Variants in NRG3 observed in about 807,000 individuals in gnomAD.
NRG3 encodes the protein neuregulin 3.
NRG3 carries 31 observed loss-of-function variants against 66.9 expected under a neutral mutation model. That is an observed-to-expected ratio of 0.46 (90% CI 0.35 to 0.63). The LOEUF (loss-of-function observed/expected upper bound fraction) is 0.63, where lower values mean the gene tolerates loss of function less well. Among genes scored for constraint, NRG3 ranks in the 20% least tolerant of loss-of-function variants. The probability of loss-of-function intolerance (pLI) is 0.00; values close to 1 mark genes in which losing one functional copy is unlikely to be tolerated. For synonymous variants in NRG3, 393 were observed against 359.4 expected (o/e 1.09, Z -1.06); for missense variants, 910 against 878.9 (o/e 1.04, Z -0.45).
In NRG3 at chr10:82,363,004, T is replaced by C. The variant is rs193068226; in HGVS notation, c.953+4136T>C. Among the ~76,000 whole-genome samples the C allele has an allele frequency of 4.6e-5, 7 of 152,270 alleles. No individual in the cohort carries two copies. The East Asian group carries it at 1.4e-3, about 29-fold the overall frequency. On this transcript the variant is annotated intron_variant, in intron 2 of 8. Coordinates refer to ENST00000372141, the MANE Select transcript of NRG3 (RefSeq NM_001010848.4). ...GGACCTTGTGAGCAAATAAAAGCAA[T>C]GGAAGGCAAAAATTAACAACTTTGA...
At chr10:82,515,824 G>C (rs1459679446) in intron 2 of NRG3, among the ~76,000 whole-genome samples, 1 of 152,076 alleles carries the variant, frequency 6.6e-6, no homozygotes, top group Non-Finnish European at 1.5e-5. Flanking sequence ...CCCCATTCAG[G>C]GCCAACTGTG....
At chr10:82,708,130 G>A (rs1475544247) in intron 2 of NRG3, among the ~76,000 whole-genome samples, 1 of 151,758 alleles carries the variant, frequency 6.6e-6, no homozygotes, top group Non-Finnish European at 1.5e-5. Context: ...CGAATACTCT[G>A]CTATTTTTTT....
At chr10:82,299,734 T>C (rs2080285493) in intron 1 of NRG3, among the ~76,000 whole-genome samples, 2 of 152,124 alleles carry the variant, frequency 1.3e-5, no homozygotes, top group South Asian at 2.1e-4. Flanking sequence ...ATCTAGCCCT[T>C]GCAGAAAAAG....
At chr10:82,337,256 G>A (rs2135347381) in intron 1 of NRG3, among the ~76,000 whole-genome samples, 1 of 152,290 alleles carries the variant, frequency 6.6e-6, no homozygotes, top group African/African-American at 2.4e-5. Context: ...ATGGAATTAT[G>A]TAATATGCAG....
At chr10:81,914,548 C>T (rs1435281243) in intron 1 of NRG3, among the ~76,000 whole-genome samples, 5 of 151,754 alleles carry the variant, frequency 3.3e-5, no homozygotes, top group Non-Finnish European at 7.4e-5. Flanking sequence ...GCCTGGGCAA[C>T]ATTGCGAGAC....
intron 1 of NRG3, among the ~76,000 whole-genome samples, chr10:82,349,614 C>A (rs997593581): frequency 1.3e-5 from 2 of 152,028 alleles, no homozygotes; most frequent in Non-Finnish European, 2.9e-5. Context: ...TTCCCGGCTG[C>A]TTTGTTTACC....
At chr10:82,511,656 C>A (rs1845177150) in intron 2 of NRG3, among the ~76,000 whole-genome samples, 2 of 152,076 alleles carry the variant, frequency 1.3e-5, no homozygotes, top group South Asian at 4.1e-4. Flanking sequence ...CAATAAGAAG[C>A]AGGAAGGAGC....
intron 1 of NRG3, among the ~76,000 whole-genome samples, chr10:82,338,138 T>C (rs1392735354): frequency 1.3e-5 from 2 of 152,164 alleles, no homozygotes; most frequent in African/African-American, 2.4e-5. Flanking sequence ...TAAAAAACTT[T>C]TATGGAATAA....
intron 2 of NRG3, among the ~76,000 whole-genome samples, chr10:82,689,502 G>A (rs2054761609): frequency 6.6e-6 from 1 of 152,218 alleles, no homozygotes. Context: ...TAGATGCCCA[G>A]GAATGACTAA....
intron 2 of NRG3, among the ~76,000 whole-genome samples, chr10:82,522,914 C>T (rs920937117): frequency 6.6e-6 from 1 of 152,126 alleles, no homozygotes; most frequent in Non-Finnish European, 1.5e-5. Context: ...TTTGCTATTA[C>T]CTCTCAATGC....
intron 3 of NRG3, among the ~76,000 whole-genome samples, chr10:82,747,218 C>A (rs1406302366): frequency 6.6e-6 from 1 of 151,850 alleles, no homozygotes; most frequent in Non-Finnish European, 1.5e-5. Context: ...TTAAACTATT[C>A]TTTTATATTC....
rs773762567 is a variant in NRG3, at chr10:82,738,687, A to G, written c.1027+37A>G. The G allele has an allele frequency of 2.0e-6, 3 of 1,531,484 alleles. No individual in the cohort carries two copies. In the African/African-American group the frequency reaches 4.1e-5, roughly 21 times the overall value. 94.9% of individuals were successfully genotyped at this position (1,531,484 alleles called of 1,614,324 possible). A position where few individuals can be genotyped will look rare whatever the true frequency, so the allele number is the denominator to read the frequency against. Reference sequence around the variant, plus strand: ...ATTTTTCTTCTCTCTAATGCAATATATAGGCAGCGTTTATTCTGAGCAATG... The same window carrying G: ...ATTTTTCTTCTCTCTAATGCAATATGTAGGCAGCGTTTATTCTGAGCAATG... On this transcript the variant is annotated intron_variant, in intron 3 of 8. Transcript: ENST00000372141.
intron 1 of NRG3, among the ~76,000 whole-genome samples, chr10:82,093,454 A>C (rs2066149056): frequency 6.6e-6 from 1 of 152,190 alleles, no homozygotes; most frequent in Admixed American, 6.5e-5. Context: ...GTAATTAATA[A>C]TTTTGAGCTT....
intron 1 of NRG3, among the ~76,000 whole-genome samples, chr10:81,914,871 CAG>C (rs1258756913): frequency 2.0e-5 from 3 of 147,896 alleles, no homozygotes; most frequent in Admixed American, 1.4e-4. Context: ...ATCTGTAAAA[CAG>C]AGAAAACAGG....
chr10:82,084,502 A>ACTTTTTTTTTTT (rs11458166), intron 1 of NRG3, among the ~76,000 whole-genome samples: 2 of 145,340 alleles, frequency 1.4e-5, no homozygotes, highest in Non-Finnish European at 1.5e-5. Flanking sequence ...CATATATGAG[A>ACTTTTTTTTTTT]TTTTTTTTTT....
chr10:82,334,880 C>T (rs1035881228), intron 1 of NRG3, among the ~76,000 whole-genome samples: 6 of 152,016 alleles, frequency 3.9e-5, no homozygotes, highest in African/African-American at 1.4e-4. Context: ...AACAAATTTA[C>T]CAAAACAAAA....
chr10:82,342,834 C>A (rs2082753807), intron 1 of NRG3, among the ~76,000 whole-genome samples: 1 of 151,980 alleles, frequency 6.6e-6, no homozygotes, highest in Non-Finnish European at 1.5e-5. Flanking sequence ...GTCATAAATT[C>A]TTTGCCTAGG....
At chr10:82,903,100 A>T (rs1000367414) in intron 4 of NRG3, among the ~76,000 whole-genome samples, 1 of 152,188 alleles carries the variant, frequency 6.6e-6, no homozygotes, top group Non-Finnish European at 1.5e-5. Flanking sequence ...ACACAAACAC[A>T]GACCATAGGT....
intron 1 of NRG3, among the ~76,000 whole-genome samples, chr10:82,078,284 G>A (rs1052056988): frequency 5.3e-5 from 8 of 152,118 alleles, no homozygotes; most frequent in African/African-American, 1.7e-4. Context: ...TAGGAAAAAT[G>A]AAAAATAGGA....
Sources: gnomAD v4.1 joint callset for allele counts (sites outside exome capture counted in the v4.1 genomes callset) on GRCh38, gnomAD v4.1.1 for gene constraint, MANE v1.5 for transcripts, NCBI Gene and HGNC (gene_info 2026-07-23, HGNC 2026-07-21) for gene names.